COL21A1: variants seen among roughly 807,000 people sequenced by gnomAD.
COL21A1 encodes the protein collagen type XXI alpha 1 chain, also known as collagen alpha-1(XXI) chain.
COL21A1 carries 149 observed loss-of-function variants against 137.9 expected under a neutral mutation model. The observed-to-expected ratio is 1.08, with a 90% CI of 0.95 to 1.24. The LOEUF (loss-of-function observed/expected upper bound fraction) is 1.24, where lower values mean the gene tolerates loss of function less well. Among genes scored for constraint, COL21A1 ranks in the 50% most tolerant of loss-of-function variants. The pLI, the probability that COL21A1 is intolerant of heterozygous loss-of-function variation, is 0.00. For synonymous variants in COL21A1, 456 were observed against 391.5 expected (o/e 1.16, Z -1.95); for missense variants, 1,167 against 1,158.4 (o/e 1.01, Z -0.11).
In COL21A1 at chr6:56,344,862, G is replaced by GT. The variant is rs1334444250; in HGVS notation, c.-39+49108dup. On this transcript the variant is annotated intron_variant, in intron 1 of 28. Transcript: ENST00000370819. Reference sequence around the variant, plus strand: ...GCCTGCTTCCCCTTTGCCTTCCACCGTGATTATAAGTTTCCTGAGGCCTCC... The same window carrying GT: ...GCCTGCTTCCCCTTTGCCTTCCACCGTTGATTATAAGTTTCCTGAGGCCTCC... Among the ~76,000 whole-genome samples, 6 of 151,454 alleles carry GT rather than the reference G, an allele frequency of 4.0e-5. No individual in the cohort carries two copies. In the East Asian group the frequency reaches 1.2e-3, roughly 29 times the overall value.
At chr6:56,232,722 C>A (rs1781647189) in intron 1 of COL21A1, among the ~76,000 whole-genome samples, 1 of 151,954 alleles carries the variant, frequency 6.6e-6, no homozygotes, top group Non-Finnish European at 1.5e-5. Context: ...TATTTTACTA[C>A]ATCATCCAAA....
At chr6:56,226,843 T>C (rs192983333) in intron 1 of COL21A1, among the ~76,000 whole-genome samples, 27 of 148,650 alleles carry the variant, frequency 1.8e-4, no homozygotes, top group African/African-American at 6.7e-4. Context: ...GAAGAGACTA[T>C]CAAACTTTGA....
chr6:56,171,650 T>G lies in COL21A1; in HGVS notation c.641-522A>C, dbSNP rs149403801. 1.1e-4 allele frequency among the ~76,000 whole-genome samples: 16 copies of G among 152,094 alleles called. No individual in the cohort carries two copies. The East Asian group carries it at 3.1e-3, about 29-fold the overall frequency. On this transcript the variant is annotated intron_variant, in intron 3 of 29. Transcript: ENST00000244728. ...TGATTTTCTTTCCAGTTCAAGCAGC[T>G]TATATTTCTATAGCTCAAATATCAT...
intron 17 of COL21A1, among the ~76,000 whole-genome samples, chr6:56,095,306 T>TA: frequency 6.6e-6 from 1 of 152,266 alleles, no homozygotes; most frequent in East Asian, 1.9e-4. Flanking sequence ...ATCCATGCAG[T>TA]AAGACTTTTG....
intron 1 of COL21A1, among the ~76,000 whole-genome samples, chr6:56,310,917 A>G (rs1455903502): frequency 6.6e-6 from 1 of 152,114 alleles, no homozygotes; most frequent in East Asian, 1.9e-4. Flanking sequence ...TGACTATTTG[A>G]CCCATAAGCA....
intron 1 of COL21A1, among the ~76,000 whole-genome samples, chr6:56,336,917 C>A: frequency 6.6e-6 from 1 of 152,140 alleles, no homozygotes; most frequent in East Asian, 1.9e-4. Context: ...TTGGCAAAAC[C>A]AATATGGGCA....
chr6:56,361,124 A>C (rs1438953124), intron 1 of COL21A1, among the ~76,000 whole-genome samples: 3 of 152,272 alleles, frequency 2.0e-5, no homozygotes, highest in African/African-American at 7.2e-5. Context: ...TTAACCAAAT[A>C]AAGGGCATAA....
At chr6:56,331,188 C>A (rs1765214579) in intron 1 of COL21A1, among the ~76,000 whole-genome samples, 2 of 150,916 alleles carry the variant, frequency 1.3e-5, no homozygotes, top group Admixed American at 1.3e-4. Context: ...TTTGTAGATT[C>A]TGAATATTAG....
chr6:56,234,632 C>T (rs567757282), intron 1 of COL21A1, among the ~76,000 whole-genome samples: 15 of 151,628 alleles, frequency 9.9e-5, no homozygotes, highest in African/African-American at 3.6e-4. Context: ...AAAATTTGCA[C>T]TTTCATCTCC....
intron 12 of COL21A1, among the ~76,000 whole-genome samples, chr6:56,141,328 T>G (rs939723871): frequency 2.0e-5 from 3 of 152,152 alleles, no homozygotes; most frequent in African/African-American, 7.2e-5. Context: ...TTAAGCGAAA[T>G]AAGTCAGGGA....
intron 1 of COL21A1, among the ~76,000 whole-genome samples, chr6:56,216,726 T>C (rs1055034309): frequency 2.6e-5 from 4 of 152,104 alleles, no homozygotes; most frequent in Non-Finnish European, 4.4e-5. Flanking sequence ...AGCTATACTT[T>C]CCTGACATAT....
intron 16 of COL21A1, among the ~76,000 whole-genome samples, chr6:56,109,672 T>A (rs1408424358): frequency 6.6e-6 from 1 of 151,724 alleles, no homozygotes; most frequent in Non-Finnish European, 1.5e-5. Context: ...CAAAATAATA[T>A]CAGGAATGAA....
rs1291511280 is a variant in COL21A1 at position 56,325,136 on chromosome 6, C to A, written c.-39+68835G>T. On this transcript the variant is annotated intron_variant, in intron 1 of 28. Coordinates refer to the COL21A1 transcript ENST00000370819. ...CTCAGGGTCTTTATTCTACATGAAG[C>A]CTCCTATGTTGCATAAAATTTATCA... Among the ~76,000 whole-genome samples the A allele has an allele frequency of 4.1e-5, 6 of 147,666 alleles. No homozygotes were observed. In the Admixed American group the frequency reaches 4.3e-4, roughly 11 times the overall value.
chr6:56,164,868 T>C, intron 7 of COL21A1, 46 bp from the exon 8 acceptor site: 1 of 1,346,584 alleles, frequency 7.4e-7, no homozygotes, highest in Non-Finnish European at 1.0e-6. Flanking sequence ...TTAAATAAAA[T>C]TTATAAATTA....
intron 1 of COL21A1, among the ~76,000 whole-genome samples, chr6:56,368,515 G>C (rs2152349723): frequency 6.6e-6 from 1 of 152,344 alleles, no homozygotes; most frequent in East Asian, 1.9e-4. Context: ...TCTCGGTTAA[G>C]AGCACAACAG....
At chr6:56,235,578 T>C (rs941601805) in intron 1 of COL21A1, among the ~76,000 whole-genome samples, 1 of 151,990 alleles carries the variant, frequency 6.6e-6, no homozygotes, top group African/African-American at 2.4e-5. Flanking sequence ...CTGTTCGTGA[T>C]AGTTCAAAAA....
rs1763899453 is a variant in COL21A1 at position 56,285,824 on chromosome 6, A to G, written c.-38-103168T>C. On this transcript the variant is annotated intron_variant, in intron 1 of 28. Transcript: ENST00000370819. ...ATTAGCCCACCATCTCACCATCCTG[A>G]AGGCACAGTCTTTGCAATAAATTTT... Among the ~76,000 whole-genome samples, 2 of 134,012 alleles carry G rather than the reference A, an allele frequency of 1.5e-5. 1 individual carries two copies. The highest frequency in any genetic ancestry group is 4.5e-4 in the South Asian group (2 of 4,400). The allele number at this position is 134,012 out of a possible 152,430, so 87.9% of individuals were successfully genotyped here.
At chr6:56,178,928 T>G (rs1175090016) in intron 3 of COL21A1, among the ~76,000 whole-genome samples, 2 of 152,094 alleles carry the variant, frequency 1.3e-5, no homozygotes, top group East Asian at 3.8e-4. Flanking sequence ...ATAATGAAAT[T>G]CTAGCTCAGA....
At chr6:56,294,571 G>A (rs909399311) in intron 1 of COL21A1, among the ~76,000 whole-genome samples, 3 of 151,946 alleles carry the variant, frequency 2.0e-5, no homozygotes, top group African/African-American at 7.2e-5. Flanking sequence ...ATGCACTACT[G>A]ATACGGCAAT....
Sources: gnomAD v4.1 joint callset for allele counts (sites outside exome capture counted in the v4.1 genomes callset) on GRCh38, gnomAD v4.1.1 for gene constraint, MANE v1.5 for transcripts, NCBI Gene and HGNC (gene_info 2026-07-23, HGNC 2026-07-21) for gene names.